The following PDE1C variants were observed in gnomAD, a reference collection of about 807,000 sequenced individuals.
PDE1C encodes phosphodiesterase 1C.
Under a neutral mutation model 93.1 loss-of-function variants are expected in PDE1C, and 62 were observed. The ratio of observed to expected loss-of-function variants is 0.67; its 90% CI spans 0.54 to 0.82. PDE1C has a LOEUF of 0.82. Ranked by LOEUF, PDE1C falls within the 40% of genes least tolerant of loss-of-function variation. The pLI is 0.00. For missense variants in PDE1C, 742 were observed against 884.6 expected (o/e 0.84, Z 2.04); for synonymous variants, 325 against 310.1 (o/e 1.05, Z -0.50).
intron 1 of PDE1C, among the ~76,000 whole-genome samples, chr7:32,267,246 G>A (rs1585052166): frequency 6.6e-6 from 1 of 152,346 alleles, no homozygotes; most frequent in East Asian, 1.9e-4. Flanking sequence ...GCTGAGGTTA[G>A]GGGATTTTAA....
At chr7:32,318,872 C>A (rs1484265475) in intron 1 of PDE1C, among the ~76,000 whole-genome samples, 1 of 152,198 alleles carries the variant, frequency 6.6e-6, no homozygotes, top group Non-Finnish European at 1.5e-5. Context: ...GCACTGGAAA[C>A]GCTTAGGAAA....
intron 1 of PDE1C, among the ~76,000 whole-genome samples, chr7:32,312,977 T>C (rs1783083918): frequency 6.6e-6 from 1 of 152,012 alleles, no homozygotes. Context: ...ACCTACAAAA[T>C]GGGAGAAAAT....
chr7:31,796,199 AT>A lies in PDE1C; in HGVS notation c.1891+12831del, dbSNP rs775484478. On this transcript the variant is annotated intron_variant, in intron 16 of 17. Coordinates refer to ENST00000396191, the MANE Select transcript of PDE1C (RefSeq NM_001191057.4). Reference sequence around the variant, plus strand: ...TATATATTATGTATATATGATATATATTAATATATCTTACATGTTATATGTC... The same window carrying A: ...TATATATTATGTATATATGATATATATAATATATCTTACATGTTATATGTC... Among the ~76,000 whole-genome samples, 138 of 150,412 alleles carry A rather than the reference AT, an allele frequency of 9.2e-4. 1 individual carries two copies. The highest frequency in any genetic ancestry group is 2.7e-3 in the Admixed American group (40 of 14,970).
intron 2 of PDE1C, among the ~76,000 whole-genome samples, chr7:31,908,109 A>G (rs1237423837): frequency 6.6e-6 from 1 of 152,214 alleles, no homozygotes; most frequent in Non-Finnish European, 1.5e-5. Context: ...GACAAAAGTG[A>G]CATTCAGTCA....
intron 3 of PDE1C, among the ~76,000 whole-genome samples, chr7:32,142,849 G>A (rs1434617639): frequency 6.6e-6 from 1 of 151,946 alleles, no homozygotes; most frequent in Non-Finnish European, 1.5e-5. Context: ...TGAGACTTGA[G>A]GGCTATCTGG....
the PDE1C span, among the ~76,000 whole-genome samples, chr7:31,723,221 ATTAGATGTACTTCATCTGTG>A: frequency 6.6e-6 from 1 of 152,192 alleles, no homozygotes; most frequent in Non-Finnish European, 1.5e-5. Flanking sequence ...TGCCAGGTCC[ATTAGATGTACTTCATCTGTG>A]TTAAGTTTTG....
At chr7:32,030,464 A>G (rs1007964174) in intron 2 of PDE1C, among the ~76,000 whole-genome samples, 2 of 152,064 alleles carry the variant, frequency 1.3e-5, no homozygotes, top group Non-Finnish European at 2.9e-5. Context: ...TGAATTGGTT[A>G]TTTTTTAAAA....
At chr7:32,204,974 T>A (rs1004635335) in intron 2 of PDE1C, among the ~76,000 whole-genome samples, 11 of 152,264 alleles carry the variant, frequency 7.2e-5, no homozygotes, top group African/African-American at 2.6e-4. Flanking sequence ...AACAGAAAAG[T>A]CTTCAATAAG....
At chr7:32,317,013 A>T (rs1214625540) in intron 1 of PDE1C, among the ~76,000 whole-genome samples, 5 of 152,142 alleles carry the variant, frequency 3.3e-5, no homozygotes, top group Non-Finnish European at 5.9e-5. Context: ...AGCACAGGGC[A>T]CCGCCACTGA....
intron 1 of PDE1C, among the ~76,000 whole-genome samples, chr7:32,358,282 G>T (rs895314440): frequency 2.1e-4 from 30 of 143,702 alleles, no homozygotes; most frequent in African/African-American, 7.3e-4. Context: ...ACCCCGACAG[G>T]CATGTTTGTT....
intron 2 of PDE1C, among the ~76,000 whole-genome samples, chr7:32,035,723 G>C (rs1229602249): frequency 1.3e-5 from 2 of 152,256 alleles, no homozygotes; most frequent in African/African-American, 4.8e-5. Flanking sequence ...CTATGCATCT[G>C]AGAGTTTTCA....
intron 1 of PDE1C, among the ~76,000 whole-genome samples, chr7:32,350,590 A>T (rs1471399367): frequency 0.58 from 1,791 of 3,068 alleles, 515 homozygotes; most frequent in East Asian, 0.94. Context: ...ATATATATAT[A>T]TTTTTTTTTT....
chr7:32,397,962 G>A (rs1017951158), intron 1 of PDE1C, among the ~76,000 whole-genome samples: 22 of 152,160 alleles, frequency 1.4e-4, no homozygotes, highest in African/African-American at 5.3e-4. Context: ...AGACCATCCT[G>A]GCTAACACAG....
At chr7:32,334,600 C>G (rs1469139720) in intron 1 of PDE1C, among the ~76,000 whole-genome samples, 3 of 145,358 alleles carry the variant, frequency 2.1e-5, no homozygotes, top group Non-Finnish European at 4.5e-5. Context: ...CACCCTCCCC[C>G]CCCATGTCCC....
At chr7:32,142,753 G>A (rs973746740) in intron 3 of PDE1C, among the ~76,000 whole-genome samples, 2 of 152,116 alleles carry the variant, frequency 1.3e-5, no homozygotes, top group East Asian at 1.9e-4. Context: ...CTGAGTCCCC[G>A]GTTGGAGGTA....
intron 1 of PDE1C, among the ~76,000 whole-genome samples, chr7:32,365,084 A>C: frequency 6.6e-6 from 1 of 152,112 alleles, no homozygotes; most frequent in East Asian, 1.9e-4. Flanking sequence ...AAACAGCCCC[A>C]CAGTGAAAAG....
chr7:31,854,783 C>T (rs868343902), intron 7 of PDE1C, among the ~76,000 whole-genome samples: 1 of 151,974 alleles, frequency 6.6e-6, no homozygotes, highest in Non-Finnish European at 1.5e-5. Flanking sequence ...AGAACACTTC[C>T]GGGCCTGGCG....
chr7:31,691,846 A>C, the PDE1C span, among the ~76,000 whole-genome samples: 2 of 151,294 alleles, frequency 1.3e-5, no homozygotes, highest in African/African-American at 4.9e-5. Context: ...CCACAACAGA[A>C]GCCTTATTCA....
chr7:31,992,652 T>C (rs1282417646), intron 2 of PDE1C, among the ~76,000 whole-genome samples: 7 of 152,212 alleles, frequency 4.6e-5, no homozygotes, highest in East Asian at 1.9e-4. Context: ...AATGCAGTCA[T>C]TGGGCAGAGC....
Sources: allele counts gnomAD v4.1 joint callset (sites outside exome capture counted in the v4.1 genomes callset), GRCh38; gene constraint gnomAD v4.1.1; transcripts MANE v1.5; gene names NCBI Gene and HGNC (gene_info 2026-07-23, HGNC 2026-07-21).